COL6A5: variants seen among roughly 807,000 people sequenced by gnomAD.
COL6A5 encodes collagen type VI alpha 5 chain.
A neutral mutation model predicts 65.6 loss-of-function variants in COL6A5; 48 were observed. That is an observed-to-expected ratio of 0.73 (90% CI 0.58 to 0.93). The LOEUF is 0.93. COL6A5 is among the 40% of genes least tolerant of loss of function. The pLI is 0.00. For missense variants in COL6A5, 914 were observed against 928.3 expected, an observed-to-expected ratio of 0.98 and a Z score of 0.20; for synonymous variants, 291 against 322.8, an observed-to-expected ratio of 0.90 and a Z score of 1.05.
At chr3:130,386,347 C>T (rs146321508) in intron 5 of COL6A5, among the ~76,000 whole-genome samples, 28 of 152,000 alleles carry the variant, frequency 1.8e-4, no homozygotes, top group African/African-American at 5.1e-4. Flanking sequence ...ACATAGTAAG[C>T]GCTACAAAAA....
chr3:130,369,601 A>G (rs1025660975), intron 1 of COL6A5, among the ~76,000 whole-genome samples: 2 of 152,250 alleles, frequency 1.3e-5, no homozygotes, highest in African/African-American at 4.8e-5. Flanking sequence ...CCCATAAAAA[A>G]TACAGTTTCT....
chr3:130,391,810 A>G (rs927945579), intron 7 of COL6A5, 56 bp downstream of exon 7: 57 of 1,323,008 alleles, frequency 4.3e-5, no homozygotes, highest in Admixed American at 2.4e-5. Context: ...TTAAACAAAA[A>G]GTAAATCATA....
chr3:130,423,978 C>A lies in COL6A5; in HGVS notation c.5163+78C>A. 3.7e-6 allele frequency: 4 copies of A among 1,094,192 alleles called. No individual in the cohort carries two copies. In the South Asian group the frequency reaches 4.5e-5, roughly 12 times the overall value. The allele number at this position is 1,094,192 out of a possible 1,614,324, so 67.8% of individuals were successfully genotyped here. A position where few individuals can be genotyped will look rare whatever the true frequency, so the allele number is the denominator to read the frequency against. Reference sequence around the variant, plus strand: ...ATGGAAAGGGCACAGAATTTAAAGTCAAATGCACTGGATTTAAGTCCAGAT... The same window carrying A: ...ATGGAAAGGGCACAGAATTTAAAGTAAAATGCACTGGATTTAAGTCCAGAT... On this transcript the variant is annotated intron_variant and NMD_transcript_variant, in intron 29 of 41. Coordinates refer to the COL6A5 transcript ENST00000312481.
At chr3:130,356,241 T>G (rs1934922008) in intron 1 of COL6A5, among the ~76,000 whole-genome samples, 1 of 152,132 alleles carries the variant, frequency 6.6e-6, no homozygotes, top group Non-Finnish European at 1.5e-5. Flanking sequence ...GTCATAAACC[T>G]TATGAAATAA....
chr3:130,416,614 C>G, intron 23 of COL6A5, 143 bp from the exon 24 acceptor site: 3 of 641,622 alleles, frequency 4.7e-6, no homozygotes, highest in Admixed American at 3.2e-5. Context: ...CCATCTGCTT[C>G]TCTCCTCCTG....
rs114324554 is a variant in COL6A5, at chr3:130,474,002, T to A, written c.2328+3035T>A. Among the ~76,000 whole-genome samples, 325 of 152,188 alleles carry A rather than the reference T, an allele frequency of 2.1e-3. 1 individual carries two copies. Among genetic ancestry groups the A allele is most frequent in the Non-Finnish European group, 3.1e-3 (211 of 67,976 alleles). Reference sequence around the variant, plus strand: ...GTAACAGTAGTAACTTGTAATGACATCTCAAGTAGTAACAGCAGTAACTGC... The same window carrying A: ...GTAACAGTAGTAACTTGTAATGACAACTCAAGTAGTAACAGCAGTAACTGC... On this transcript the variant is annotated intron_variant, in intron 7 of 7. Transcript: ENST00000512836.
At chr3:130,381,347 G>A (rs889859109) in intron 4 of COL6A5, among the ~76,000 whole-genome samples, 1 of 151,816 alleles carries the variant, frequency 6.6e-6, no homozygotes, top group African/African-American at 2.4e-5. Flanking sequence ...ATTCCTTTAG[G>A]TTGAGAAAAA....
At position 130,411,272 on chromosome 3, in the gene COL6A5, C is replaced by T. The variant is rs143097961; in HGVS notation, c.4662+748C>T. On this transcript the variant is annotated intron_variant and NMD_transcript_variant, in intron 20 of 41. Coordinates refer to the COL6A5 transcript ENST00000312481. ...TGATATTTATAATGTATTAAAAACT[C>T]CTCTCTCATGCGCTCAGCATGGACA... Among the ~76,000 whole-genome samples the T allele has an allele frequency of 5.9e-3, 891 of 152,270 alleles. 3 individuals are homozygous for T. The highest frequency in any genetic ancestry group is 9.5e-3 in the Non-Finnish European group (648 of 68,018).
rs1559879278 is a variant in COL6A5 at position 130,398,130 on chromosome 3, T to G, written c.3991+19T>G. On this transcript the variant is annotated intron_variant and NMD_transcript_variant, in intron 10 of 41. Coordinates refer to the COL6A5 transcript ENST00000312481. ...GAAGCAGGTATTGAGTTGTTGTTGTTTTTTTTTTTTTTTTTTTTGAGATGG... is the reference window on the plus strand; with the variant it reads ...GAAGCAGGTATTGAGTTGTTGTTGTGTTTTTTTTTTTTTTTTTTGAGATGG... 6.2e-6 allele frequency: 5 copies of G among 812,126 alleles called. No individual in the cohort carries two copies. In the East Asian group the frequency reaches 1.5e-4, roughly 25 times the overall value. 50.3% of individuals were successfully genotyped at this position (812,126 alleles called of 1,614,324 possible). A position where few individuals can be genotyped will look rare whatever the true frequency, so the allele number is the denominator to read the frequency against.
chr3:130,405,027 C>T (rs1455567205), intron 13 of COL6A5, among the ~76,000 whole-genome samples: 1 of 152,198 alleles, frequency 6.6e-6, no homozygotes, highest in Non-Finnish European at 1.5e-5. Flanking sequence ...TGGTGGGAGA[C>T]ACACAAATCA....
upstream of COL6A5, among the ~76,000 whole-genome samples, chr3:130,429,119 C>T (rs1937687060): frequency 6.6e-6 from 1 of 152,084 alleles, no homozygotes; most frequent in African/African-American, 2.4e-5. Flanking sequence ...TTGGAAATCC[C>T]CCTATGGTTG....
exon 3 of COL6A5, chr3:130,376,253 T>C: frequency 6.2e-7 from 1 of 1,605,954 alleles, no homozygotes; most frequent in Non-Finnish European, 8.5e-7. Context: ...GCCCTGTGTA[T>C]GCAGATGTCG....
chr3:130,360,610 G>A (rs1276582003), intron 1 of COL6A5, among the ~76,000 whole-genome samples: 2 of 152,116 alleles, frequency 1.3e-5, no homozygotes, highest in Middle Eastern at 3.2e-3. Context: ...GATTGTTACT[G>A]ACATTGATTA....
At chr3:130,371,375 C>A (rs1299649345) in intron 1 of COL6A5, among the ~76,000 whole-genome samples, 1 of 151,722 alleles carries the variant, frequency 6.6e-6, no homozygotes, top group Non-Finnish European at 1.5e-5. Context: ...CCAAAACAAC[C>A]TTGAAAAAGA....
intron 9 of COL6A5, 36 bp downstream of exon 9, chr3:130,397,959 T>A (rs1169649820): frequency 5.8e-6 from 9 of 1,544,654 alleles, no homozygotes; most frequent in Non-Finnish European, 7.9e-6. Context: ...ATCTCCACAT[T>A]CTCCCATTTG....
intron 12 of COL6A5, among the ~76,000 whole-genome samples, chr3:130,403,244 AAAT>A (rs1293558931): frequency 2.0e-5 from 3 of 152,234 alleles, no homozygotes; most frequent in Non-Finnish European, 4.4e-5. Context: ...GGACAAAATA[AAAT>A]AATACCTTTG....
intron 24 of COL6A5, among the ~76,000 whole-genome samples, chr3:130,417,026 C>T (rs534755387): frequency 3.1e-4 from 47 of 151,846 alleles, no homozygotes; most frequent in African/African-American, 7.0e-4. Context: ...ATCAACCCAT[C>T]GTCTAGGTTT....
chr3:130,477,702 C>A (rs140963879), intron 7 of COL6A5, among the ~76,000 whole-genome samples: 1 of 151,910 alleles, frequency 6.6e-6, no homozygotes, highest in East Asian at 1.9e-4. Context: ...GGAGGTGGAG[C>A]CTCCAGAGGT....
chr3:130,429,467 G>T (rs1373355346), upstream of COL6A5: 4 of 975,110 alleles, frequency 4.1e-6, no homozygotes, highest in East Asian at 1.1e-4. Context: ...CTCATTTGCA[G>T]TTAGACTCAA....
Sources: gnomAD v4.1 joint callset for allele counts (sites outside exome capture counted in the v4.1 genomes callset) on GRCh38, gnomAD v4.1.1 for gene constraint, MANE v1.5 for transcripts, NCBI Gene and HGNC (gene_info 2026-07-23, HGNC 2026-07-21) for gene names.